LTBP1: variants seen among roughly 807,000 people sequenced by gnomAD.
The protein encoded by LTBP1 is latent transforming growth factor beta binding protein 1.
LTBP1 carries 129 observed loss-of-function variants against 207.6 expected under a neutral mutation model. The ratio of observed to expected loss-of-function variants is 0.62; its 90% CI spans 0.54 to 0.72. The LOEUF (loss-of-function observed/expected upper bound fraction) is 0.72, where lower values mean the gene tolerates loss of function less well. LTBP1 is among the 30% of genes least tolerant of loss of function. The probability of loss-of-function intolerance (pLI) is 0.00; values close to 1 mark genes in which losing one functional copy is unlikely to be tolerated. For synonymous variants in LTBP1, 963 were observed against 833.7 expected (o/e 1.16, Z -2.67); for missense variants, 2,281 against 2,217.2 (o/e 1.03, Z -0.58).
At chr2:33,078,744 C>T (rs1341474905) in intron 3 of LTBP1, among the ~76,000 whole-genome samples, 1 of 152,012 alleles carries the variant, frequency 6.6e-6, no homozygotes, top group Non-Finnish European at 1.5e-5. Flanking sequence ...TATCACTAAG[C>T]TGGAGTCTAT....
intron 32 of LTBP1, among the ~76,000 whole-genome samples, chr2:33,395,738 A>G (rs1457888335): frequency 6.7e-6 from 1 of 148,872 alleles, no homozygotes; most frequent in Non-Finnish European, 1.5e-5. Context: ...AAAGCTGGCT[A>G]AGTTGGTTGC....
intron 24 of LTBP1, among the ~76,000 whole-genome samples, chr2:33,322,101 T>C (rs961344598): frequency 1.3e-5 from 2 of 150,834 alleles, no homozygotes; most frequent in Non-Finnish European, 1.5e-5. Context: ...AAATTCATAA[T>C]AGTAGCAAAA....
chr2:33,087,739 T>C (rs1181966779), intron 3 of LTBP1, among the ~76,000 whole-genome samples: 3 of 152,062 alleles, frequency 2.0e-5, no homozygotes, highest in Non-Finnish European at 2.9e-5. Context: ...GCCGATGGAG[T>C]TTATCCAAGC....
rs185654179 is a variant in LTBP1, at chr2:32,960,593, A to G, written c.565+11648A>G. Among the ~76,000 whole-genome samples, 60 of 152,292 alleles carry G rather than the reference A, an allele frequency of 3.9e-4. 1 individual carries two copies. The East Asian group carries it at 6.7e-3, about 17-fold the overall frequency. On this transcript the variant is annotated intron_variant, in intron 2 of 33. Coordinates refer to ENST00000404816, the MANE Select transcript of LTBP1 (RefSeq NM_206943.4). ...TGGGACTAAGTAAAATGAATGTTGTATGATTTTTTTTCCCTCTAATTTTAG... is the reference window on the plus strand; with the variant it reads ...TGGGACTAAGTAAAATGAATGTTGTGTGATTTTTTTTCCCTCTAATTTTAG...
At chr2:33,238,769 T>C (rs1179845746) in intron 9 of LTBP1, among the ~76,000 whole-genome samples, 1 of 152,206 alleles carries the variant, frequency 6.6e-6, no homozygotes, top group East Asian at 1.9e-4. Flanking sequence ...CTTGTACTGC[T>C]CACCATCCAG....
intron 3 of LTBP1, among the ~76,000 whole-genome samples, chr2:33,059,830 A>G (rs1034621186): frequency 6.6e-6 from 1 of 152,232 alleles, no homozygotes; most frequent in African/African-American, 2.4e-5. Context: ...AATGGCATGA[A>G]TGTCTGAGAA....
chr2:33,100,692 C>G (rs1260281221), intron 3 of LTBP1, among the ~76,000 whole-genome samples: 2 of 151,788 alleles, frequency 1.3e-5, no homozygotes, highest in African/African-American at 4.8e-5. Flanking sequence ...AACAGTAATT[C>G]TCTCTCTCTC....
At chr2:33,351,434 G>A (rs2149830506) in intron 26 of LTBP1, among the ~76,000 whole-genome samples, 1 of 152,264 alleles carries the variant, frequency 6.6e-6, no homozygotes, top group East Asian at 1.9e-4. Flanking sequence ...TTCTCATTTT[G>A]TTTTTCATTA....
rs1018106214 is a variant in LTBP1, at chr2:33,360,907, G to A, written c.4183+128G>A. The stretch of plus-strand genomic sequence containing the variant: ...TTACCTTATAGTGAGTTTCATTCAG[G>A]GCTAGAGCCAGCACCTGCATCCCAT... On this transcript the variant is annotated intron_variant, in intron 27 of 33. Coordinates refer to ENST00000404816, the MANE Select transcript of LTBP1 (RefSeq NM_206943.4). 24 of 708,352 alleles carry A rather than the reference G, an allele frequency of 3.4e-5. No individual in the cohort carries two copies. The Admixed American group carries it at 6.4e-4, about 19-fold the overall frequency. The allele number at this position is 708,352 out of a possible 1,614,324, so 43.9% of individuals were successfully genotyped here.
At chr2:33,256,214 T>A (rs756484820) in intron 11 of LTBP1, among the ~76,000 whole-genome samples, 1 of 152,122 alleles carries the variant, frequency 6.6e-6, no homozygotes, top group African/African-American at 2.4e-5. Flanking sequence ...CAGTTGTTGT[T>A]CCTTTACTTG....
At chr2:32,976,989 G>GCT (rs1042429222) in intron 2 of LTBP1, among the ~76,000 whole-genome samples, 2 of 152,382 alleles carry the variant, frequency 1.3e-5, no homozygotes, top group African/African-American at 4.8e-5. Flanking sequence ...TCTGCTGGAA[G>GCT]CTCTAGCATG....
Position 33,333,192 on chromosome 2 carries a change from G to C in LTBP1, c.3731-9646G>C, listed in dbSNP as rs151013211. Among the ~76,000 whole-genome samples the C allele has an allele frequency of 2.8e-3, 426 of 151,682 alleles. 2 individuals carry two copies. Among genetic ancestry groups the C allele is most frequent in the Middle Eastern group, 0.01 (3 of 290 alleles). ...CTGGGGCACTTCCTACAGTTGAAGT[G>C]ATTTTTAAAAAGCAGTGCAAAATAG... On this transcript the variant is annotated intron_variant, in intron 24 of 33. Coordinates refer to ENST00000404816, the MANE Select transcript of LTBP1 (RefSeq NM_206943.4).
At chr2:33,334,469 A>T (rs1007651852) in intron 24 of LTBP1, among the ~76,000 whole-genome samples, 2 of 152,244 alleles carry the variant, frequency 1.3e-5, no homozygotes, top group Non-Finnish European at 2.9e-5. Context: ...AAGCCATTGC[A>T]GGAATTCGAG....
intron 11 of LTBP1, among the ~76,000 whole-genome samples, chr2:33,254,868 T>TTTTG (rs1273603049): frequency 1.5e-4 from 18 of 118,930 alleles, no homozygotes; most frequent in African/African-American, 5.3e-4. Context: ...TTTTTTTTTT[T>TTTTG]TTTTTTTTTT....
At chr2:33,376,142 TAAACC>T (rs1210843729) in intron 31 of LTBP1, among the ~76,000 whole-genome samples, 1 of 152,238 alleles carries the variant, frequency 6.6e-6, no homozygotes, top group Non-Finnish European at 1.5e-5. Flanking sequence ...ATAAGTCTAA[TAAACC>T]AAACTTAAAA....
intron 7 of LTBP1, among the ~76,000 whole-genome samples, chr2:33,200,692 C>T (rs2089138726): frequency 6.6e-6 from 1 of 152,002 alleles, no homozygotes; most frequent in Non-Finnish European, 1.5e-5. Context: ...AACAGGCAAC[C>T]TACAAAATGG....
chr2:33,297,988 G>C (rs946456107), intron 20 of LTBP1, among the ~76,000 whole-genome samples: 1 of 152,234 alleles, frequency 6.6e-6, no homozygotes. Context: ...GATTAAACTG[G>C]GGTCATGGGT....
intron 3 of LTBP1, among the ~76,000 whole-genome samples, chr2:33,051,019 G>A (rs962774414): frequency 5.3e-5 from 8 of 152,160 alleles, no homozygotes; most frequent in Admixed American, 2.0e-4. Context: ...CACCGCGCCC[G>A]GCCTGAAACT....
intron 3 of LTBP1, among the ~76,000 whole-genome samples, chr2:33,073,592 G>A (rs1290255027): frequency 6.6e-6 from 1 of 151,502 alleles, no homozygotes; most frequent in Non-Finnish European, 1.5e-5. Flanking sequence ...ATTTTATTCA[G>A]TCTCCAAAGT....
Sources: gnomAD v4.1 joint callset for allele counts (sites outside exome capture counted in the v4.1 genomes callset) on GRCh38, gnomAD v4.1.1 for gene constraint, MANE v1.5 for transcripts, NCBI Gene and HGNC (gene_info 2026-07-23, HGNC 2026-07-21) for gene names.